The following TMED3 variants were observed in gnomAD, a reference collection of about 807,000 sequenced individuals.
TMED3 encodes the protein transmembrane emp24 domain-containing protein 3.
TMED3 carries 9 observed loss-of-function variants against 15.0 expected under a neutral mutation model. That is an observed-to-expected ratio of 0.60 (90% CI 0.36 to 1.04). The LOEUF is 1.04. Among genes scored for constraint, TMED3 ranks in the 50% least tolerant of loss-of-function variants. The probability of loss-of-function intolerance (pLI) is 0.01; values close to 1 mark genes in which losing one functional copy is unlikely to be tolerated. For synonymous variants in TMED3, 117 were observed against 121.4 expected, an observed-to-expected ratio of 0.96 and a Z score of 0.24; for missense variants, 267 against 278.9, an observed-to-expected ratio of 0.96 and a Z score of 0.30.
intron 2 of TMED3, among the ~76,000 whole-genome samples, chr15:79,367,635 G>C (rs994149929): frequency 3.3e-5 from 5 of 152,172 alleles, no homozygotes; most frequent in Non-Finnish European, 5.9e-5. Context: ...TTTGGCTGAG[G>C]TGTTGACACT....
downstream of TMED3, among the ~76,000 whole-genome samples, chr15:79,323,494 T>C (rs1224094054): frequency 6.6e-6 from 1 of 152,212 alleles, no homozygotes. Flanking sequence ...ACTGGGTATA[T>C]ATAAAAGGTT....
chr15:79,375,268 A>G (rs1320187961), intron 2 of TMED3, among the ~76,000 whole-genome samples: 6 of 152,146 alleles, frequency 3.9e-5, no homozygotes, highest in African/African-American at 1.2e-4. Context: ...AATTAGCACA[A>G]TGTCCCACCT....
At chr15:79,409,444 G>T (rs1377426791) in intron 2 of TMED3, among the ~76,000 whole-genome samples, 1 of 152,222 alleles carries the variant, frequency 6.6e-6, no homozygotes, top group African/African-American at 2.4e-5. Flanking sequence ...TGGAGGTGGG[G>T]CAAGGGAGGA....
chr15:79,352,913 T>G (rs1467274081), intron 2 of TMED3, among the ~76,000 whole-genome samples: 1 of 100,902 alleles, frequency 9.9e-6, no homozygotes, highest in Admixed American at 1.3e-4. Context: ...ACATATAATA[T>G]ATATAAAATA....
intron 2 of TMED3, among the ~76,000 whole-genome samples, chr15:79,378,430 T>A (rs560093852): frequency 1.1e-4 from 17 of 152,206 alleles, no homozygotes; most frequent in South Asian, 6.2e-4. Flanking sequence ...TCTTTTGATT[T>A]TATGGCTTCT....
chr15:79,324,096 T>C (rs1326968317), downstream of TMED3, among the ~76,000 whole-genome samples: 8 of 152,290 alleles, frequency 5.3e-5, no homozygotes, highest in Non-Finnish European at 1.2e-4. Context: ...GTTTACACCA[T>C]TCTCCTGCTT....
chr15:79,399,262 T>C (rs966679595), intron 2 of TMED3, among the ~76,000 whole-genome samples: 3 of 152,110 alleles, frequency 2.0e-5, no homozygotes, highest in Non-Finnish European at 4.4e-5. Context: ...AAAATAACGT[T>C]TGACCAAATA....
Position 79,322,390 on chromosome 15 carries a change from G to C in TMED3, c.*176G>C. 7.0e-7 allele frequency: 1 copy of C among 1,437,540 alleles called. No individual in the cohort carries two copies. Among genetic ancestry groups the C allele is most frequent in the Non-Finnish European group, 9.1e-7 (1 of 1,099,970 alleles). 89.0% of individuals were successfully genotyped at this position (1,437,540 alleles called of 1,614,324 possible). On this transcript the variant is annotated 3_prime_UTR_variant, in exon 3 of 3. Coordinates refer to ENST00000299705, the MANE Select transcript of TMED3 (RefSeq NM_007364.4). The stretch of plus-strand genomic sequence containing the variant: ...TGCACCTCAGCAGCTGAAGGTCTCA[G>C]AGACCAGTAATCAGAAGGCATCCGA...
At chr15:79,338,600 T>C (rs2058836501) in intron 2 of TMED3, among the ~76,000 whole-genome samples, 1 of 152,228 alleles carries the variant, frequency 6.6e-6, no homozygotes, top group Non-Finnish European at 1.5e-5. Context: ...GATATGATTA[T>C]ATATGAATAT....
downstream of TMED3, among the ~76,000 whole-genome samples, chr15:79,324,820 C>G (rs1426519972): frequency 6.6e-6 from 1 of 152,126 alleles, no homozygotes; most frequent in Non-Finnish European, 1.5e-5. Flanking sequence ...AGAAAGAGGA[C>G]TGGGTTGGGG....
At chr15:79,387,466 A>T (rs1195262937) in intron 2 of TMED3, among the ~76,000 whole-genome samples, 1 of 152,172 alleles carries the variant, frequency 6.6e-6, no homozygotes, top group Admixed American at 6.5e-5. Flanking sequence ...ATAAGTGTTG[A>T]CATTTTGTGG....
intron 2 of TMED3, among the ~76,000 whole-genome samples, chr15:79,397,937 T>C (rs1893783453): frequency 6.6e-6 from 1 of 152,236 alleles, no homozygotes; most frequent in African/African-American, 2.4e-5. Flanking sequence ...ATCATCATCC[T>C]GCACCAGAGT....
At chr15:79,389,249 C>T (rs1297563254) in intron 2 of TMED3, among the ~76,000 whole-genome samples, 2 of 152,150 alleles carry the variant, frequency 1.3e-5, no homozygotes, top group East Asian at 1.9e-4. Flanking sequence ...CTTAATCCAT[C>T]TGGAGTCGAT....
chr15:79,378,077 C>T (rs1200957880), intron 2 of TMED3, among the ~76,000 whole-genome samples: 2 of 152,086 alleles, frequency 1.3e-5, no homozygotes, highest in Non-Finnish European at 2.9e-5. Context: ...TTGGTCATGC[C>T]ATCAAAATTC....
chr15:79,336,690 AAAACAAAC>A (rs535657332), intron 2 of TMED3, among the ~76,000 whole-genome samples: 6 of 146,324 alleles, frequency 4.1e-5, no homozygotes, highest in South Asian at 4.6e-4. Context: ...ACTCTGTCTC[AAAACAAAC>A]AAACAAACAA....
At chr15:79,365,283 C>T (rs546178148) in intron 2 of TMED3, among the ~76,000 whole-genome samples, 73 of 152,330 alleles carry the variant, frequency 4.8e-4, no homozygotes, top group South Asian at 1.7e-3. Context: ...TGATTAAAGA[C>T]GAGAAGCTTT....
chr15:79,342,424 T>A (rs767485250), intron 2 of TMED3, among the ~76,000 whole-genome samples: 13 of 152,184 alleles, frequency 8.5e-5, no homozygotes, highest in Non-Finnish European at 1.9e-4. Context: ...GGTTAATCTC[T>A]GCTTCATACT....
At chr15:79,318,476 T>C (rs960198743) in intron 2 of TMED3, among the ~76,000 whole-genome samples, 3 of 152,206 alleles carry the variant, frequency 2.0e-5, no homozygotes, top group African/African-American at 7.2e-5. Flanking sequence ...TACAAGTGTC[T>C]ATCCTGAGTC....
intron 2 of TMED3, among the ~76,000 whole-genome samples, chr15:79,356,644 G>A (rs936393759): frequency 6.6e-6 from 1 of 152,202 alleles, no homozygotes; most frequent in African/African-American, 2.4e-5. Flanking sequence ...GCAAAAGGAT[G>A]GAGAGTGTCA....
Sources: allele counts gnomAD v4.1 joint callset (sites outside exome capture counted in the v4.1 genomes callset), GRCh38; gene constraint gnomAD v4.1.1; transcripts MANE v1.5; gene names NCBI Gene and HGNC (gene_info 2026-07-23, HGNC 2026-07-21).